The following ANKRD36B variants were observed in gnomAD, a reference collection of about 807,000 sequenced individuals.
ANKRD36B encodes ankyrin repeat domain-containing protein 36B.
A neutral mutation model predicts 135.7 loss-of-function variants in ANKRD36B; 37 were observed. The observed-to-expected ratio is 0.27, with a 90% CI of 0.21 to 0.36. The LOEUF (loss-of-function observed/expected upper bound fraction) is 0.36. Among genes scored for constraint, ANKRD36B ranks in the 10% least tolerant of loss-of-function variants. The pLI is 1.00. For synonymous variants in ANKRD36B, 179 were observed against 348.1 expected (o/e 0.51, Z 5.41); for missense variants, 549 against 1,037.1 (o/e 0.53, Z 6.46).
intron 20 of ANKRD36B, among the ~76,000 whole-genome samples, chr2:97,548,071 T>G (rs1409984949): frequency 1.3e-5 from 2 of 151,714 alleles, no homozygotes; most frequent in African/African-American, 4.8e-5. Flanking sequence ...AGAATCAACG[T>G]GAAAGCAGGT....
At chr2:97,572,206 C>G (rs2104891726) in intron 6 of ANKRD36B, among the ~76,000 whole-genome samples, 1 of 151,598 alleles carries the variant, frequency 6.6e-6, no homozygotes, top group East Asian at 1.9e-4. Context: ...CACCTGAACC[C>G]AGAAGTTTGA....
rs528773958 is a variant in ANKRD36B at position 97,536,479 on chromosome 2, G to A, written c.2107C>T (p.Arg703Cys). The part of the protein sequence containing the change: ...KSGTEYPENL[R>C]TLKATIENKD... The stretch of plus-strand genomic sequence containing the variant: ...GTAAGAGTAATTACCTTCAAGGTGC[G>A]CAGATTCTCAGGATACTCTAACAAG... The change falls in exon 33 of 44, where the codon CGC becomes TGC. Residue 703 changes from arginine to cysteine, a missense_variant. Transcript: ENST00000359901. 1.1e-4 allele frequency: 97 copies of A among 905,690 alleles called. 23 individuals carry two copies. The highest frequency in any genetic ancestry group is 8.8e-4 in the South Asian group (69 of 78,622). The allele number at this position is 905,690 out of a possible 1,614,324, so 56.1% of individuals were successfully genotyped here.
intron 35 of ANKRD36B, among the ~76,000 whole-genome samples, chr2:97,526,121 C>T (rs1488998972): frequency 1.1e-5 from 1 of 94,814 alleles, no homozygotes; most frequent in African/African-American, 3.3e-5. Context: ...TCCCTGACCA[C>T]TGACCCCAAG....
At position 97,514,991 on chromosome 2, in the gene ANKRD36B, C is replaced by T. The variant is rs376437885; in HGVS notation, c.2621+741G>A. On this transcript the variant is annotated intron_variant, in intron 37 of 43. Transcript: ENST00000359901. The stretch of plus-strand genomic sequence containing the variant: ...CAATCTCTGCTCACTGCAACCTCTG[C>T]CTCCCAGTTTCATGTGATTCTCCTG... 3.4e-3 allele frequency among the ~76,000 whole-genome samples: 279 copies of T among 81,866 alleles called. 71 individuals carry two copies. The highest frequency in any genetic ancestry group is 0.012 in the East Asian group (51 of 4,116). The allele number at this position is 81,866 out of a possible 152,430, so 53.7% of individuals were successfully genotyped here. A position where few individuals can be genotyped will look rare whatever the true frequency, so the allele number is the denominator to read the frequency against.
At chr2:97,562,256 C>T (rs2081092958) in intron 6 of ANKRD36B, among the ~76,000 whole-genome samples, 1 of 151,512 alleles carries the variant, frequency 6.6e-6, no homozygotes, top group African/African-American at 2.4e-5. Flanking sequence ...CATATATATA[C>T]ATATGTCATG....
intron 22 of ANKRD36B, chr2:97,547,172 C>G: frequency 4.8e-6 from 1 of 207,388 alleles, no homozygotes; most frequent in Non-Finnish European, 9.6e-6. Context: ...TCTGTCTTTT[C>G]TTGGCAGTAT....
intron 18 of ANKRD36B, among the ~76,000 whole-genome samples, chr2:97,550,834 C>A (rs1467008891): frequency 1.7e-4 from 26 of 151,784 alleles, no homozygotes; most frequent in Non-Finnish European, 1.5e-5. Context: ...CCTCACAATC[C>A]GTCTTCATTC....
intron 6 of ANKRD36B, among the ~76,000 whole-genome samples, chr2:97,562,919 T>C (rs1257022908): frequency 1.3e-5 from 2 of 152,066 alleles, no homozygotes; most frequent in Non-Finnish European, 1.5e-5. Flanking sequence ...GTATCTATCA[T>C]CTCTTATTTT....
rs560531662 is a variant in ANKRD36B, at chr2:97,532,367, T to C, written c.2209A>G (p.Met737Val). The C allele has an allele frequency of 3.9e-5, 30 of 764,108 alleles. 7 individuals carry two copies. In the African/African-American group the frequency reaches 5.1e-4, roughly 13 times the overall value. 47.3% of individuals were successfully genotyped at this position (764,108 alleles called of 1,614,324 possible). A position where few individuals can be genotyped will look rare whatever the true frequency, so the allele number is the denominator to read the frequency against. ...TSTPAEQDLE[M>V]ASEGEQKRLE... ...CTCTTTTGCTCTCCCTCTGATGCCA[T>C]TTCTAAGTCTTGTTCTGCTAAAAAA... The change falls in exon 35 of 44, where the codon ATG becomes GTG. Residue 737 changes from methionine (M) to valine (V), a missense_variant. Met to Val is a conservative substitution (Grantham distance 21, BLOSUM62 1). Coordinates refer to ENST00000359901, the MANE Select transcript of ANKRD36B (RefSeq NM_001393939.1).
chr2:97,551,180 C>T, intron 18 of ANKRD36B, 109 bp downstream of exon 18: 1 of 1,404,438 alleles, frequency 7.1e-7, no homozygotes, highest in Non-Finnish European at 9.7e-7. Context: ...GAATCTCAGG[C>T]CTGCTGAGTC....
intron 1 of ANKRD36B, among the ~76,000 whole-genome samples, chr2:97,589,143 C>T (rs1306141932): frequency 1.0e-5 from 1 of 97,744 alleles, no homozygotes; most frequent in African/African-American, 4.0e-5. Flanking sequence ...GCACCCCTTT[C>T]CCCCACCCCA....
intron 6 of ANKRD36B, among the ~76,000 whole-genome samples, chr2:97,566,324 AG>A (rs2081428069): frequency 1.3e-5 from 2 of 152,216 alleles, no homozygotes; most frequent in South Asian, 4.2e-4. Flanking sequence ...TCATCTCAAA[AG>A]AAAAAAAAAT....
chr2:97,584,943 C>G lies in ANKRD36B; in HGVS notation c.450+1G>C. On this transcript the variant is annotated splice_donor_variant, in intron 3 of 43. Transcript: ENST00000359901. LOFTEE classifies it high-confidence loss of function. ...TGAAAATAACATTGGTTGACCTATACCTTGCTGCATTCTTCAATATTTGTA... is the reference window on the plus strand; with the variant it reads ...TGAAAATAACATTGGTTGACCTATAGCTTGCTGCATTCTTCAATATTTGTA... The G allele has an allele frequency of 6.3e-7, 1 of 1,595,446 alleles. No homozygotes were observed. The highest frequency in any genetic ancestry group is 8.5e-7 in the Non-Finnish European group (1 of 1,171,912).
In ANKRD36B at chr2:97,589,718, C is replaced by T; in HGVS notation, c.-33G>A. 8.1e-6 allele frequency: 13 copies of T among 1,613,700 alleles called. No homozygotes were observed. The highest frequency in any genetic ancestry group is 1.1e-5 in the Non-Finnish European group (13 of 1,179,950). On this transcript the variant is annotated 5_prime_UTR_variant, in exon 1 of 44. Transcript: ENST00000359901. The stretch of plus-strand genomic sequence containing the variant: ...GGCCACCTCTCCCGCTCGTCGTCTT[C>T]CTTAATCGTCGGCTGCAAATTGTAG...
intron 34 of ANKRD36B, among the ~76,000 whole-genome samples, chr2:97,535,778 T>C (rs1420100923): frequency 4.1e-5 from 4 of 96,970 alleles, no homozygotes; most frequent in African/African-American, 1.2e-4. Flanking sequence ...AAACCTTATA[T>C]TTTTAGGCCA....
chr2:97,566,823 CAGA>C, intron 6 of ANKRD36B, among the ~76,000 whole-genome samples: 1 of 152,154 alleles, frequency 6.6e-6, no homozygotes, highest in Non-Finnish European at 1.5e-5. Context: ...ATCATCAGCA[CAGA>C]AGATTTCTGT....
chr2:97,554,947 C>T, intron 14 of ANKRD36B, 113 bp downstream of exon 14: 1 of 1,345,280 alleles, frequency 7.4e-7, no homozygotes. Flanking sequence ...AATCTCTGGC[C>T]TGCTGAATCA....
At chr2:97,532,257 C>G (rs2078637829) in intron 35 of ANKRD36B, 54 bp downstream of exon 35, 1 of 603,960 alleles carries the variant, frequency 1.7e-6, no homozygotes, top group East Asian at 3.0e-5. Context: ...GCTGTATTAC[C>G]AAAGCTAGGA....
intron 37 of ANKRD36B, among the ~76,000 whole-genome samples, chr2:97,514,087 C>A (rs1198790555): frequency 7.3e-6 from 1 of 137,312 alleles, no homozygotes; most frequent in Non-Finnish European, 1.5e-5. Context: ...GGGCCACGGT[C>A]ACTCATATTT....
Sources: gnomAD v4.1 joint callset for allele counts (sites outside exome capture counted in the v4.1 genomes callset) on GRCh38, gnomAD v4.1.1 for gene constraint, MANE v1.5 for transcripts, NCBI Gene and HGNC (gene_info 2026-07-23, HGNC 2026-07-21) for gene names.